The following TIGAR variants were observed in gnomAD, a reference collection of about 807,000 sequenced individuals.
TIGAR encodes fructose-2,6-bisphosphatase TIGAR.
TIGAR carries 7 observed loss-of-function variants against 17.9 expected under a neutral mutation model. That is an observed-to-expected ratio of 0.39 (90% CI 0.22 to 0.73). The LOEUF is 0.73. Among genes scored for constraint, TIGAR ranks in the 30% least tolerant of loss-of-function variants. The pLI is 0.42. For missense variants in TIGAR, 258 were observed against 327.4 expected, an observed-to-expected ratio of 0.79 and a Z score of 1.64; for synonymous variants, 94 against 108.6, an observed-to-expected ratio of 0.87 and a Z score of 0.84.
At chr12:4,339,413 C>T (rs1203906127) in intron 3 of TIGAR, among the ~76,000 whole-genome samples, 1 of 152,172 alleles carries the variant, frequency 6.6e-6, no homozygotes, top group Non-Finnish European at 1.5e-5. Context: ...TTATAAAAGT[C>T]TCCCAGTAAA....
In TIGAR at chr12:4,321,248, C is replaced by T; in HGVS notation, c.-24C>T. On this transcript the variant is annotated 5_prime_UTR_variant, in exon 1 of 6. Coordinates refer to ENST00000179259, the MANE Select transcript of TIGAR (RefSeq NM_020375.3). The surrounding 1 kb of genome is among the most constrained non-coding windows in gnomAD (Gnocchi z 5.2). Reference sequence around the variant, plus strand: ...GCAGGGGCAGCGCGGCGCGGGGCCACCGACGGGACGCGGCTCCGGGAACAT... The same window carrying T: ...GCAGGGGCAGCGCGGCGCGGGGCCATCGACGGGACGCGGCTCCGGGAACAT... The T allele has an allele frequency of 1.9e-6, 3 of 1,600,162 alleles. No individual in the cohort carries two copies. Among genetic ancestry groups the T allele is most frequent in the Non-Finnish European group, 2.5e-6 (3 of 1,179,756 alleles).
rs1361195760 is a variant in TIGAR, at chr12:4,354,381, CATAAAG to C, written c.*1696_*1701del. On this transcript the variant is annotated 3_prime_UTR_variant, in exon 6 of 6. Coordinates refer to ENST00000179259, the MANE Select transcript of TIGAR (RefSeq NM_020375.3). ...CACTTTTTTTTTTAAAGAAACAAAA[CATAAAG>C]ATAAAAGTAGAGTTCTCTTTAACCA... is the stretch of plus-strand genomic sequence containing the variant. 5.9e-5 allele frequency: 9 copies of C among 151,968 alleles called. No individual in the cohort carries two copies. Among genetic ancestry groups the C allele is most frequent in the East Asian group, 1.9e-4 (1 of 5,178 alleles). The allele number at this position is 151,968 out of a possible 1,614,324, so 9.4% of individuals were successfully genotyped here.
chr12:4,349,252 C>G (rs1459582941), intron 3 of TIGAR, among the ~76,000 whole-genome samples: 1 of 152,056 alleles, frequency 6.6e-6, no homozygotes, highest in East Asian at 1.9e-4. Flanking sequence ...GTGGCTGTGT[C>G]CCAGTAAAAT....
intron 3 of TIGAR, among the ~76,000 whole-genome samples, chr12:4,345,640 T>C (rs1425500694): frequency 6.6e-6 from 1 of 152,150 alleles, no homozygotes; most frequent in Non-Finnish European, 1.5e-5. Flanking sequence ...ATGTTAGACC[T>C]AAAACCATAA....
intron 1 of TIGAR, 29 bp from the exon 2 acceptor site, chr12:4,331,251 A>G: frequency 6.3e-7 from 1 of 1,593,004 alleles, no homozygotes; most frequent in Non-Finnish European, 8.6e-7. Flanking sequence ...AATTTGGCTA[A>G]TAAGGTTGTC....
chr12:4,331,273 A>G lies in TIGAR; in HGVS notation c.33-7A>G, dbSNP rs371312254. On this transcript the variant is annotated splice_region_variant and splice_polypyrimidine_tract_variant and intron_variant, in intron 1 of 5. Coordinates refer to ENST00000179259, the MANE Select transcript of TIGAR (RefSeq NM_020375.3). Reference sequence around the variant, plus strand: ...CTAATAAGGTTGTCCTTCTCTTTCTATTTTAGTGGAGAAACAAGATTTAAC... The same window carrying G: ...CTAATAAGGTTGTCCTTCTCTTTCTGTTTTAGTGGAGAAACAAGATTTAAC... The G allele has an allele frequency of 7.5e-6, 12 of 1,607,754 alleles. No individual in the cohort carries two copies. The highest frequency in any genetic ancestry group is 5.0e-5 in the Admixed American group (3 of 59,974).
Position 4,321,429 on chromosome 12 carries a change from G to A in TIGAR, c.32+126G>A. ...CGCTCCAGCCCGGGAGGGCTGGCTT[G>A]GAAGCGCTTTTTCCGGGGCGCTTGC... is the stretch of plus-strand genomic sequence containing the variant. On this transcript the variant is annotated intron_variant, in intron 1 of 5. Coordinates refer to ENST00000179259, the MANE Select transcript of TIGAR (RefSeq NM_020375.3). The surrounding 1 kb of genome is among the most constrained non-coding windows in gnomAD (Gnocchi z 5.2). 1 of 1,414,946 alleles carries A rather than the reference G, an allele frequency of 7.1e-7. No homozygotes were observed. The highest frequency in any genetic ancestry group is 9.6e-7 in the Non-Finnish European group (1 of 1,040,486). The allele number at this position is 1,414,946 out of a possible 1,614,324, so 87.6% of individuals were successfully genotyped here.
At chr12:4,325,798 ATCT>A (rs923096845) in intron 1 of TIGAR, among the ~76,000 whole-genome samples, 1 of 152,058 alleles carries the variant, frequency 6.6e-6, no homozygotes, top group Non-Finnish European at 1.5e-5. Context: ...AGCTCTTGAA[ATCT>A]TCTATATTTG....
At chr12:4,337,504 C>G (rs1403428195) in intron 3 of TIGAR, among the ~76,000 whole-genome samples, 4 of 152,196 alleles carry the variant, frequency 2.6e-5, no homozygotes, top group South Asian at 2.1e-4. Context: ...TGCCAAAAGT[C>G]TCAACAATTG....
In TIGAR at chr12:4,355,230, G is replaced by C. The variant is rs1233469605; in HGVS notation, c.*2539G>C. The stretch of plus-strand genomic sequence containing the variant: ...ATTTGCTTTTTATAGTATAAGGTAA[G>C]AATTTAATTTTTTTTTTCATGTGGT... On this transcript the variant is annotated 3_prime_UTR_variant, in exon 6 of 6. Transcript: ENST00000179259. Among the ~76,000 whole-genome samples, 1 of 152,078 alleles carries C rather than the reference G, an allele frequency of 6.6e-6. No individual in the cohort carries two copies. The highest frequency in any genetic ancestry group is 1.5e-5 in the Non-Finnish European group (1 of 68,014).
chr12:4,350,289 CTA>C (rs1864824247), intron 4 of TIGAR, among the ~76,000 whole-genome samples: 1 of 152,078 alleles, frequency 6.6e-6, no homozygotes, highest in African/African-American at 2.4e-5. Context: ...TATTGTAGAC[CTA>C]TATATTTCTA....
chr12:4,336,993 A>AT, intron 2 of TIGAR, 46 bp from the exon 3 acceptor site: 1 of 1,531,274 alleles, frequency 6.5e-7, no homozygotes, highest in Non-Finnish European at 8.9e-7. Context: ...TACATCTCTG[A>AT]TATGTAGTTT....
intron 1 of TIGAR, among the ~76,000 whole-genome samples, chr12:4,324,184 A>G (rs568757885): frequency 6.6e-6 from 1 of 152,352 alleles, no homozygotes; most frequent in Non-Finnish European, 1.5e-5. Flanking sequence ...TCATGAGCTT[A>G]TGGCACAGCA....
intron 1 of TIGAR, 134 bp from the exon 2 acceptor site, chr12:4,331,146 G>C (rs1277855330): frequency 1.0e-5 from 8 of 769,984 alleles, no homozygotes; most frequent in Non-Finnish European, 1.3e-5. Context: ...GTTTTTACAG[G>C]TTGGATTATG....
rs975269819 is a variant in TIGAR at position 4,332,587 on chromosome 12, C to G, written c.70+1270C>G. Among the ~76,000 whole-genome samples the G allele has an allele frequency of 3.3e-5, 5 of 152,228 alleles. No homozygotes were observed. The East Asian group carries it at 9.7e-4, about 29-fold the overall frequency. The stretch of plus-strand genomic sequence containing the variant: ...TAAGTACTGTTTTTGTTTGCATGCC[C>G]GTAGTTTTGACACGTGGTAATGTGG... On this transcript the variant is annotated intron_variant, in intron 2 of 5. Transcript: ENST00000179259.
chr12:4,333,350 C>T (rs574348015), intron 2 of TIGAR, among the ~76,000 whole-genome samples: 2 of 150,688 alleles, frequency 1.3e-5, no homozygotes, highest in Non-Finnish European at 2.9e-5. Flanking sequence ...AGTGCAATGG[C>T]GCGATCTCAG....
chr12:4,350,791 GA>G (rs998889883), intron 4 of TIGAR, among the ~76,000 whole-genome samples: 7 of 146,978 alleles, frequency 4.8e-5, no homozygotes, highest in African/African-American at 7.6e-5. Flanking sequence ...AAAAAAAAAA[GA>G]AAAAAAAAGA....
At chr12:4,341,393 C>T (rs1005984644) in intron 3 of TIGAR, among the ~76,000 whole-genome samples, 15 of 152,110 alleles carry the variant, frequency 9.9e-5, no homozygotes, top group Admixed American at 2.0e-4. Flanking sequence ...AGAGAGTAGT[C>T]GTTCTCCCAG....
chr12:4,345,461 T>C (rs1204007483), intron 3 of TIGAR, among the ~76,000 whole-genome samples: 9 of 152,126 alleles, frequency 5.9e-5, no homozygotes, highest in Non-Finnish European at 1.0e-4. Flanking sequence ...ACCACACATC[T>C]ACAACTATCT....
Sources: gnomAD v4.1 joint callset for allele counts (sites outside exome capture counted in the v4.1 genomes callset) on GRCh38, gnomAD v4.1.1 for gene constraint, Gnocchi (gnomAD v3.1) non-coding constraint, MANE v1.5 for transcripts, NCBI Gene and HGNC (gene_info 2026-07-23, HGNC 2026-07-21) for gene names.